The following SCART1 variants were observed in gnomAD, a reference collection of about 807,000 sequenced individuals.
SCART1 encodes scavenger receptor cysteine-rich domain-containing protein SCART1.
SCART1 carries 62 observed loss-of-function variants against 36.2 expected under a neutral mutation model. The observed-to-expected ratio is 1.71, with a 90% CI of 1.40 to 2.12. The LOEUF (loss-of-function observed/expected upper bound fraction) is 2.12. SCART1 is among the 30% of genes most tolerant of loss of function. The probability of loss-of-function intolerance (pLI) is 0.00; values close to 1 mark genes in which losing one functional copy is unlikely to be tolerated. For missense variants in SCART1, 1,041 were observed against 540.5 expected (o/e 1.93, Z -9.18); for synonymous variants, 487 against 238.7 (o/e 2.04, Z -9.59).
chr10:133,469,625 G>A (rs1850796500), downstream of SCART1, among the ~76,000 whole-genome samples: 1 of 152,094 alleles, frequency 6.6e-6, no homozygotes, highest in African/African-American at 2.4e-5. Context: ...GATAGCATGA[G>A]GAGAAACACC....
chr10:133,466,598 C>T (rs931219732), intron 10 of SCART1, among the ~76,000 whole-genome samples: 8 of 152,252 alleles, frequency 5.3e-5, no homozygotes, highest in Non-Finnish European at 8.8e-5. Context: ...CTTATGAAGA[C>T]AAGCCATGTC....
exon 5 of SCART1, chr10:133,459,285 C>T (rs1031917349): frequency 9.2e-6 from 6 of 651,670 alleles, no homozygotes; most frequent in African/African-American, 5.3e-5. Flanking sequence ...CTGGGGGCCC[C>T]GGCCTGTGCC....
chr10:133,455,064 C>T (rs879271273), intron 1 of SCART1, among the ~76,000 whole-genome samples: 5 of 151,930 alleles, frequency 3.3e-5, no homozygotes, highest in Non-Finnish European at 7.4e-5. Flanking sequence ...GTCATGAGTT[C>T]GAGATCAGCC....
chr10:133,465,521 G>T lies in SCART1; in HGVS notation c.2615G>T (p.Arg872Leu), dbSNP rs1391340240. Residue 872 changes from arginine (R) to leucine (L), a missense_variant, in exon 9 of 12, where the codon CGC becomes CTC. By Grantham distance (102) the Arg-to-Leu change is moderately radical. Coordinates refer to ENST00000640237, the Ensembl canonical transcript of SCART1. ...GGCTGCCCTGCGGAGCGGTGGGGACGCGGAGACCGCGCGCACGAGGAGGAC... is the reference window on the plus strand; with the variant it reads ...GGCTGCCCTGCGGAGCGGTGGGGACTCGGAGACCGCGCGCACGAGGAGGAC... The T allele has an allele frequency of 5.7e-6, 3 of 526,766 alleles. No homozygotes were observed. In the East Asian group the frequency reaches 1.0e-4, roughly 18 times the overall value. 32.6% of individuals were successfully genotyped at this position (526,766 alleles called of 1,614,324 possible).
intron 4 of SCART1, 95 bp from the exon 5 acceptor site, chr10:133,458,926 C>A: frequency 1.6e-6 from 1 of 623,414 alleles, no homozygotes; most frequent in Non-Finnish European, 2.9e-6. Context: ...GGGCTCTGTG[C>A]CCATCCCACT....
chr10:133,460,448 G>A (rs1255728217), intron 6 of SCART1, among the ~76,000 whole-genome samples: 2 of 140,528 alleles, frequency 1.4e-5, no homozygotes, highest in East Asian at 2.0e-4. Context: ...GCTCAAGTGC[G>A]CTTGAAGTTT....
chr10:133,456,255 G>A, exon 2 of SCART1: 2 of 702,630 alleles, frequency 2.8e-6, no homozygotes, highest in East Asian at 2.7e-5. Flanking sequence ...GGTGCTCTGA[G>A]GCTGGCGTAC....
chr10:133,458,784 A>G, intron 4 of SCART1, 128 bp downstream of exon 4: 1 of 672,410 alleles, frequency 1.5e-6, no homozygotes, highest in South Asian at 1.6e-5. Flanking sequence ...GTTGGTTGAA[A>G]GAAGCGCAGG....
At chr10:133,455,919 G>A (rs1850603781) in intron 1 of SCART1, among the ~76,000 whole-genome samples, 1 of 152,068 alleles carries the variant, frequency 6.6e-6, no homozygotes, top group African/African-American at 2.4e-5. Context: ...AATGATGCTT[G>A]GGAGGCAGAG....
exon 7 of SCART1, chr10:133,464,715 C>G (rs1450145479): frequency 2.9e-6 from 2 of 701,408 alleles, no homozygotes; most frequent in African/African-American, 3.6e-5. Flanking sequence ...TGAAGGACCT[C>G]TCCTTGTCCA....
At chr10:133,465,333 C>T (rs1433309558) in exon 9 of SCART1, 2 of 687,880 alleles carry the variant, frequency 2.9e-6, no homozygotes, top group South Asian at 1.5e-5. Flanking sequence ...CCTGGGGCAC[C>T]GTGTGCGACG....
chr10:133,454,898 T>C (rs1850589421), intron 1 of SCART1, among the ~76,000 whole-genome samples: 1 of 152,124 alleles, frequency 6.6e-6, no homozygotes, highest in African/African-American at 2.4e-5. Context: ...GGATTTGCTT[T>C]TGTGTCAACG....
At chr10:133,456,083 C>T (rs145287573) in intron 1 of SCART1, among the ~76,000 whole-genome samples, 154 bp from the exon 2 acceptor site, 128 of 152,172 alleles carry the variant, frequency 8.4e-4, no homozygotes, top group Non-Finnish European at 1.5e-3. Flanking sequence ...CTCTGTGAGC[C>T]GCGCCCATCA....
chr10:133,464,016 C>T (rs1190913729), intron 6 of SCART1, among the ~76,000 whole-genome samples: 2 of 152,112 alleles, frequency 1.3e-5, no homozygotes, highest in Admixed American at 6.5e-5. Flanking sequence ...TTCTGCTTTT[C>T]ACTTCTAGGA....
intron 6 of SCART1, among the ~76,000 whole-genome samples, chr10:133,464,061 A>T (rs1307660259): frequency 6.6e-6 from 1 of 152,084 alleles, no homozygotes; most frequent in East Asian, 1.9e-4. Context: ...TATGAGTGAG[A>T]ACATGTGCTA....
chr10:133,456,725 G>C (rs922031534), intron 2 of SCART1, among the ~76,000 whole-genome samples, 171 bp downstream of exon 2: 2 of 152,102 alleles, frequency 1.3e-5, no homozygotes, highest in Admixed American at 1.3e-4. Flanking sequence ...TCTGGGCACC[G>C]GGGCCATCCT....
At chr10:133,464,118 A>G (rs1850734644) in intron 6 of SCART1, 1 of 155,608 alleles carries the variant, frequency 6.4e-6, no homozygotes, top group Non-Finnish European at 1.4e-5. Context: ...CTCCAGTTCC[A>G]TCCGTATTGC....
chr10:133,456,190 G>A (rs12247319), intron 1 of SCART1, 47 bp from the exon 2 acceptor site: 7,403 of 672,018 alleles, frequency 0.011, 323 homozygotes, highest in African/African-American at 0.1. Context: ...CTCCTCCTGC[G>A]CCTCTGGTTG....
intron 6 of SCART1, among the ~76,000 whole-genome samples, chr10:133,463,850 G>A (rs1000042474): frequency 3.9e-5 from 6 of 152,000 alleles, no homozygotes; most frequent in South Asian, 2.1e-4. Context: ...TCCTTCCAGC[G>A]ATTTGAAACC....
Sources: allele counts gnomAD v4.1 joint callset (sites outside exome capture counted in the v4.1 genomes callset), GRCh38; gene constraint gnomAD v4.1.1; transcripts MANE v1.5; gene names NCBI Gene and HGNC (gene_info 2026-07-23, HGNC 2026-07-21).